The following GATAD1 variants were observed in gnomAD, a reference collection of about 807,000 sequenced individuals.
GATAD1 encodes the protein GATA zinc finger domain-containing protein 1.
A neutral mutation model predicts 26.5 loss-of-function variants in GATAD1; 12 were observed. That is an observed-to-expected ratio of 0.45 (90% CI 0.29 to 0.73). The LOEUF (loss-of-function observed/expected upper bound fraction) is 0.73. Ranked by LOEUF, GATAD1 falls within the 30% of genes least tolerant of loss-of-function variation. GATAD1 has a pLI of 0.10. For synonymous variants in GATAD1, 129 were observed against 133.1 expected, an observed-to-expected ratio of 0.97 and a Z score of 0.21; for missense variants, 266 against 342.1, an observed-to-expected ratio of 0.78 and a Z score of 1.75.
intron 3 of GATAD1, chr7:92,454,244 AATC>A: frequency 2.5e-6 from 1 of 397,766 alleles, no homozygotes; most frequent in South Asian, 3.2e-5. Flanking sequence ...GGCAATATAA[AATC>A]AAAATACTTT....
intron 4 of GATAD1, among the ~76,000 whole-genome samples, chr7:92,454,887 T>C (rs1789603670): frequency 6.6e-6 from 1 of 152,110 alleles, no homozygotes; most frequent in Admixed American, 6.6e-5. Context: ...CTGGGGAGGC[T>C]TTTCTTCCTG....
the GATAD1 span, chr7:92,475,379 A>G: frequency 3.9e-5 from 6 of 152,198 alleles, no homozygotes; most frequent in East Asian, 7.7e-4. Context: ...AGTGTCCTCT[A>G]TGGTCCTAAT....
At chr7:92,491,672 T>C in the GATAD1 span, 6 of 580,614 alleles carry the variant, frequency 1.0e-5, no homozygotes, top group African/African-American at 8.5e-5. Flanking sequence ...AAAATTTAAC[T>C]ATTAAAATTA....
chr7:92,453,398 G>A (rs1789524178), intron 3 of GATAD1, among the ~76,000 whole-genome samples: 1 of 152,220 alleles, frequency 6.6e-6, no homozygotes, highest in Non-Finnish European at 1.5e-5. Context: ...ACCCAGGGAA[G>A]AGGACATAGG....
chr7:92,449,649 C>A, intron 2 of GATAD1: 1 of 961,022 alleles, frequency 1.0e-6, no homozygotes, highest in Non-Finnish European at 1.2e-6. Flanking sequence ...CTGCAGTAGA[C>A]TTATGCAGAT....
chr7:92,479,224 C>G, the GATAD1 span, among the ~76,000 whole-genome samples: 238 of 152,276 alleles, frequency 1.6e-3, no homozygotes, highest in African/African-American at 5.4e-3. Flanking sequence ...GAGAGTCCAC[C>G]AAACAGGCTT....
intron 4 of GATAD1, 76 bp downstream of exon 4, chr7:92,454,761 C>A: frequency 9.8e-7 from 1 of 1,017,968 alleles, no homozygotes; most frequent in South Asian, 1.7e-5. Context: ...GTGTGTTAGT[C>A]AGCTTGGGCT....
intron 4 of GATAD1, among the ~76,000 whole-genome samples, chr7:92,455,920 C>T (rs576509711): frequency 3.3e-5 from 5 of 152,280 alleles, no homozygotes; most frequent in African/African-American, 1.2e-4. Flanking sequence ...TGTCCTACAG[C>T]GAGGCAGCAT....
At chr7:92,469,858 A>T in the GATAD1 span, 1 of 775,894 alleles carries the variant, frequency 1.3e-6, no homozygotes, top group African/African-American at 1.7e-5. Flanking sequence ...GACCTCATGG[A>T]GCCCAGTGAG....
chr7:92,469,910 G>A, the GATAD1 span: 2 of 778,790 alleles, frequency 2.6e-6, no homozygotes, highest in Non-Finnish European at 4.8e-6. Flanking sequence ...TGGGTACGGA[G>A]GGTTTCATGT....
At chr7:92,448,702 G>T (rs1364308244) in intron 1 of GATAD1, 50 bp from the exon 2 acceptor site, 1 of 1,482,264 alleles carries the variant, frequency 6.7e-7, no homozygotes, top group African/African-American at 1.4e-5. Context: ...CAACCTTTAT[G>T]CACTTTTTAC....
intron 2 of GATAD1, chr7:92,449,229 T>A (rs1789312349): frequency 2.6e-6 from 2 of 781,506 alleles, no homozygotes; most frequent in Non-Finnish European, 3.1e-6. Flanking sequence ...CTAAGAAAAC[T>A]TTTTTTTTTC....
chr7:92,453,305 C>A lies in GATAD1; in HGVS notation c.436-1197C>A, dbSNP rs1006955271. 3.9e-5 allele frequency among the ~76,000 whole-genome samples: 6 copies of A among 152,200 alleles called. No individual in the cohort carries two copies. The East Asian group carries it at 1.2e-3, about 29-fold the overall frequency. On this transcript the variant is annotated intron_variant, in intron 3 of 4. Transcript: ENST00000287957. ...ACAGTATATCTTACCAAGAACTATA[C>A]CCACTTAAGGAGGTGCTGGATGTCA...
chr7:92,481,342 A>AT, the GATAD1 span, among the ~76,000 whole-genome samples: 1 of 152,170 alleles, frequency 6.6e-6, no homozygotes, highest in African/African-American at 2.4e-5. Flanking sequence ...CAAAGAGTGA[A>AT]TACAGCTGAA....
chr7:92,469,199 C>A, the GATAD1 span: 1 of 741,966 alleles, frequency 1.3e-6, no homozygotes, highest in Non-Finnish European at 2.5e-6. Flanking sequence ...AAACAGGTTC[C>A]CCCTCTTTCA....
chr7:92,465,612 C>G, the GATAD1 span, among the ~76,000 whole-genome samples: 1 of 149,010 alleles, frequency 6.7e-6, no homozygotes, highest in Non-Finnish European at 1.5e-5. Context: ...GAGGGAAACT[C>G]CATCTCAAAA....
chr7:92,465,928 G>A, the GATAD1 span, among the ~76,000 whole-genome samples: 1 of 152,102 alleles, frequency 6.6e-6, no homozygotes, highest in African/African-American at 2.4e-5. Context: ...TTGAACCTGG[G>A]CAGTGGGGAG....
At chr7:92,494,509 CAACT>C in the GATAD1 span, 1 of 1,613,868 alleles carries the variant, frequency 6.2e-7, no homozygotes, top group Non-Finnish European at 8.5e-7. Flanking sequence ...CTACTCCATC[CAACT>C]GAGTCAGCAA....
At chr7:92,481,804 T>C in the GATAD1 span, among the ~76,000 whole-genome samples, 1 of 152,340 alleles carries the variant, frequency 6.6e-6, no homozygotes, top group Admixed American at 6.5e-5. Context: ...GGCAAAAGTA[T>C]CCAACCATGC....
Sources: allele counts gnomAD v4.1 joint callset (sites outside exome capture counted in the v4.1 genomes callset), GRCh38; gene constraint gnomAD v4.1.1; transcripts MANE v1.5; gene names NCBI Gene and HGNC (gene_info 2026-07-23, HGNC 2026-07-21).